Variants in TASP1 observed in about 807,000 individuals in gnomAD.
TASP1 encodes the protein threonine aspartase 1.
Under a neutral mutation model 56.6 loss-of-function variants are expected in TASP1, and 16 were observed. The ratio of observed to expected loss-of-function variants is 0.28; its 90% confidence interval spans 0.19 to 0.43. TASP1 has a LOEUF of 0.43. TASP1 is among the 20% of genes least tolerant of loss of function. The probability of loss-of-function intolerance (pLI) is 1.00; values close to 1 mark genes in which losing one functional copy is unlikely to be tolerated. For synonymous variants in TASP1, 179 were observed against 184.2 expected, an observed-to-expected ratio of 0.97 and a Z score of 0.23; for missense variants, 393 against 511.6, an observed-to-expected ratio of 0.77 and a Z score of 2.24.
intron 12 of TASP1, among the ~76,000 whole-genome samples, chr20:13,422,021 G>A (rs1433162312): frequency 7.7e-5 from 11 of 142,890 alleles, no homozygotes; most frequent in Non-Finnish European, 1.1e-4. Flanking sequence ...GTGTGATCTC[G>A]GCTCACTGCA....
At chr20:13,110,249 C>T in the TASP1 span, 3 of 1,579,080 alleles carry the variant, frequency 1.9e-6, no homozygotes, top group African/African-American at 1.4e-5. Context: ...TTTTACGACT[C>T]GGAGGCCTGC....
chr20:13,352,565 C>T, the TASP1 span, among the ~76,000 whole-genome samples: 1 of 152,046 alleles, frequency 6.6e-6, no homozygotes, highest in African/African-American at 2.4e-5. Flanking sequence ...ATATTACATT[C>T]AATGAAGTGA....
intron 11 of TASP1, among the ~76,000 whole-genome samples, chr20:13,455,221 G>T (rs1157041850): frequency 2.6e-5 from 4 of 151,990 alleles, no homozygotes; most frequent in Non-Finnish European, 4.4e-5. Context: ...GATAGCAAGG[G>T]TAACTGAAAA....
the TASP1 span, among the ~76,000 whole-genome samples, chr20:13,208,159 T>A: frequency 1.3e-5 from 2 of 152,216 alleles, no homozygotes; most frequent in Non-Finnish European, 2.9e-5. Flanking sequence ...ATGCGTCAAC[T>A]TCCTATGCCA....
At chr20:13,364,070 TAAA>T in the TASP1 span, among the ~76,000 whole-genome samples, 4 of 151,834 alleles carry the variant, frequency 2.6e-5, no homozygotes, top group Non-Finnish European at 5.9e-5. Flanking sequence ...ATGCATGCAC[TAAA>T]AAAGAGGGAT....
the TASP1 span, chr20:13,164,566 C>T: frequency 1.7e-6 from 1 of 599,044 alleles, no homozygotes; most frequent in East Asian, 2.9e-5. Context: ...AATTAATTAG[C>T]ATCTAACATT....
At chr20:13,311,822 A>T in the TASP1 span, among the ~76,000 whole-genome samples, 2 of 152,218 alleles carry the variant, frequency 1.3e-5, no homozygotes, top group African/African-American at 4.8e-5. Flanking sequence ...TGTTAGTTAA[A>T]GTGTACAAAG....
At chr20:13,228,653 A>G in the TASP1 span, among the ~76,000 whole-genome samples, 1 of 152,144 alleles carries the variant, frequency 6.6e-6, no homozygotes, top group African/African-American at 2.4e-5. Flanking sequence ...CCTGTTCAGC[A>G]TATGGTGGAC....
At chr20:13,305,833 CT>C in the TASP1 span, among the ~76,000 whole-genome samples, 1 of 152,112 alleles carries the variant, frequency 6.6e-6, no homozygotes, top group Non-Finnish European at 1.5e-5. Flanking sequence ...AAATGCATAC[CT>C]TTTTTCTTTT....
At chr20:13,514,440 C>T (rs1322633513) in intron 10 of TASP1, among the ~76,000 whole-genome samples, 1 of 152,084 alleles carries the variant, frequency 6.6e-6, no homozygotes, top group Non-Finnish European at 1.5e-5. Flanking sequence ...ATTAGCATAG[C>T]TGTGTGTTTC....
At chr20:13,399,060 C>A (rs1369856545) in intron 13 of TASP1, among the ~76,000 whole-genome samples, 2 of 152,202 alleles carry the variant, frequency 1.3e-5, no homozygotes, top group African/African-American at 4.8e-5. Flanking sequence ...CAAGGCCCAG[C>A]AGCAGCATCT....
the TASP1 span, among the ~76,000 whole-genome samples, chr20:13,189,842 C>A: frequency 6.6e-6 from 1 of 152,078 alleles, no homozygotes; most frequent in Non-Finnish European, 1.5e-5. Flanking sequence ...CAAAAAGATA[C>A]CTGCACTCAC....
chr20:13,438,542 C>T (rs1600797919), intron 11 of TASP1, among the ~76,000 whole-genome samples: 1 of 152,154 alleles, frequency 6.6e-6, no homozygotes, highest in Non-Finnish European at 1.5e-5. Context: ...GACCTAAAAC[C>T]ATAAAAACCC....
the TASP1 span, among the ~76,000 whole-genome samples, chr20:13,113,768 T>C: frequency 6.6e-6 from 1 of 152,202 alleles, no homozygotes; most frequent in African/African-American, 2.4e-5. Flanking sequence ...TGGCTGTCTT[T>C]ATTGTCACAT....
the TASP1 span, among the ~76,000 whole-genome samples, chr20:13,120,120 T>A: frequency 1.9e-3 from 296 of 152,338 alleles, no homozygotes; most frequent in African/African-American, 6.8e-3. Context: ...TAAATTAGGA[T>A]TCGGCAAATA....
chr20:13,289,517 A>G, the TASP1 span, among the ~76,000 whole-genome samples: 1 of 152,182 alleles, frequency 6.6e-6, no homozygotes, highest in Non-Finnish European at 1.5e-5. Flanking sequence ...ATTGTGATTG[A>G]CTATAGCAGT....
the TASP1 span, chr20:13,299,747 G>A: frequency 3.0e-6 from 1 of 335,716 alleles, no homozygotes; most frequent in Non-Finnish European, 5.5e-6. The surrounding 1 kb of genome is among the most constrained non-coding windows in gnomAD (Gnocchi z 5.8). Flanking sequence ...GGAAGCCACA[G>A]TGGGTGCGAC....
the TASP1 span, among the ~76,000 whole-genome samples, chr20:13,225,382 A>G: frequency 6.6e-6 from 1 of 152,188 alleles, no homozygotes; most frequent in South Asian, 2.1e-4. Flanking sequence ...AACAATTTAC[A>G]TTTTCAAATG....
chr20:13,514,484 TG>T (rs2044449837), intron 10 of TASP1, among the ~76,000 whole-genome samples: 1 of 152,138 alleles, frequency 6.6e-6, no homozygotes, highest in Non-Finnish European at 1.5e-5. Flanking sequence ...AATTCTGGGA[TG>T]GATGGGCACA....
Sources: allele counts gnomAD v4.1 joint callset (sites outside exome capture counted in the v4.1 genomes callset), GRCh38; gene constraint gnomAD v4.1.1; non-coding constraint Gnocchi (gnomAD v3.1); transcripts MANE v1.5; gene names NCBI Gene and HGNC (gene_info 2026-07-23, HGNC 2026-07-21).